Variants in CHPT1 observed in about 807,000 individuals in gnomAD.
The protein encoded by CHPT1 is choline phosphotransferase 1.
Under a neutral mutation model 47.6 loss-of-function variants are expected in CHPT1, and 36 were observed. The ratio of observed to expected loss-of-function variants is 0.76; its 90% confidence interval spans 0.58 to 1.00. The LOEUF is 1.00. Among genes scored for constraint, CHPT1 ranks in the 50% least tolerant of loss-of-function variants. The probability of loss-of-function intolerance (pLI) is 0.00; values close to 1 mark genes in which losing one functional copy is unlikely to be tolerated. For synonymous variants in CHPT1, 194 were observed against 186.3 expected (o/e 1.04, Z -0.33); for missense variants, 458 against 498.1 (o/e 0.92, Z 0.77).
intron 1 of CHPT1, among the ~76,000 whole-genome samples, chr12:101,707,944 G>A (rs1171625331): frequency 6.6e-6 from 1 of 152,210 alleles, no homozygotes; most frequent in Non-Finnish European, 1.5e-5. Flanking sequence ...AATGCAGAGA[G>A]CATACAGGAT....
intron 3 of CHPT1, among the ~76,000 whole-genome samples, chr12:101,716,295 C>T (rs191105045): frequency 6.6e-6 from 1 of 152,264 alleles, no homozygotes; most frequent in Non-Finnish European, 1.5e-5. Context: ...TTGGAATTTT[C>T]CCTGCTTTTT....
intron 3 of CHPT1, among the ~76,000 whole-genome samples, chr12:101,715,693 G>A (rs148669440): frequency 1.3e-5 from 2 of 152,294 alleles, no homozygotes; most frequent in South Asian, 2.1e-4. Context: ...GAAGTCATTA[G>A]CATATAGATG....
At position 101,697,726 on chromosome 12, in the gene CHPT1, C is replaced by T. The variant is rs143603461; in HGVS notation, c.-136C>T. 0.01 allele frequency: 2,173 copies of T among 213,820 alleles called. 46 individuals are homozygous for T. Among genetic ancestry groups the T allele is most frequent in the East Asian group, 0.056 (332 of 5,886 alleles). The allele number at this position is 213,820 out of a possible 1,614,324, so 13.2% of individuals were successfully genotyped here. ...GGCAGGCCGGCCTGACCTCGACCTC[C>T]GCCGTGCGGGCCCGACCGGTGAGTC... is the stretch of plus-strand genomic sequence containing the variant. On this transcript the variant is annotated 5_prime_UTR_variant, in exon 1 of 9. Coordinates refer to ENST00000229266, the MANE Select transcript of CHPT1 (RefSeq NM_020244.3).
At chr12:101,710,130 A>G (rs1951686064) in intron 1 of CHPT1, among the ~76,000 whole-genome samples, 1 of 148,802 alleles carries the variant, frequency 6.7e-6, no homozygotes, top group Non-Finnish European at 1.5e-5. Context: ...GGATCATTTA[A>G]GGTCAGGAGT....
rs145173806 is a variant in CHPT1, at chr12:101,701,542, A to G, written c.273+3408A>G. The stretch of plus-strand genomic sequence containing the variant: ...AGGAAAATTAACCTCTTCTAGAGTG[A>G]CATACCTTTAAGTGGGGGCCAGGAT... On this transcript the variant is annotated intron_variant, in intron 1 of 8. Transcript: ENST00000229266. Among the ~76,000 whole-genome samples the G allele has an allele frequency of 5.6e-3, 853 of 152,336 alleles. 4 individuals are homozygous for G. The highest frequency in any genetic ancestry group is 8.3e-3 in the Non-Finnish European group (562 of 68,020).
chr12:101,701,076 A>T (rs1951548082), intron 1 of CHPT1, among the ~76,000 whole-genome samples: 2 of 152,350 alleles, frequency 1.3e-5, no homozygotes, highest in Admixed American at 1.3e-4. Context: ...TTTCTAGAAC[A>T]TGACTGGGGA....
rs1951742345 is a variant in CHPT1, at chr12:101,714,848, T to C, written c.563+203T>C. ...TAGTTACATTATTTGATAATAATTTTATTTTTCTTCTCCTCTTCTCCAACT... is the reference window on the plus strand; with the variant it reads ...TAGTTACATTATTTGATAATAATTTCATTTTTCTTCTCCTCTTCTCCAACT... On this transcript the variant is annotated intron_variant, in intron 3 of 8. Transcript: ENST00000229266. The C allele has an allele frequency of 1.9e-5, 8 of 416,922 alleles. No individual in the cohort carries two copies. In the South Asian group the frequency reaches 4.4e-4, roughly 23 times the overall value. The allele number at this position is 416,922 out of a possible 1,614,324, so 25.8% of individuals were successfully genotyped here.
At chr12:101,717,090 A>G (rs983591619) in intron 4 of CHPT1, 1 of 396,312 alleles carries the variant, frequency 2.5e-6, no homozygotes, top group Non-Finnish European at 4.7e-6. Context: ...CAAAAACAAC[A>G]ACAAAAAACA....
At chr12:101,721,039 T>C (rs1210346983) in intron 5 of CHPT1, among the ~76,000 whole-genome samples, 2 of 152,130 alleles carry the variant, frequency 1.3e-5, no homozygotes, top group East Asian at 3.9e-4. Context: ...CCTAGCAATT[T>C]TGGAGGCCGA....
chr12:101,722,440 C>T (rs1002616537), intron 5 of CHPT1, among the ~76,000 whole-genome samples: 11 of 151,532 alleles, frequency 7.3e-5, no homozygotes, highest in Admixed American at 3.3e-4. Flanking sequence ...TAAGCAGTGC[C>T]GAGAGGATAC....
rs149217456 is a variant in CHPT1 at position 101,713,157 on chromosome 12, C to T, written c.274-933C>T. ...TGGTAAGGCAGTACACTTCTGAGAA[C>T]TTTACCCAATGCCCCAAGTATTAAT... On this transcript the variant is annotated intron_variant, in intron 1 of 8. Transcript: ENST00000229266. Among the ~76,000 whole-genome samples, 2 of 148,532 alleles carry T rather than the reference C, an allele frequency of 1.3e-5. 1 individual carries two copies. The highest frequency in any genetic ancestry group is 4.0e-4 in the East Asian group (2 of 5,002).
chr12:101,701,481 C>T (rs1473799820), intron 1 of CHPT1, among the ~76,000 whole-genome samples: 6 of 152,136 alleles, frequency 3.9e-5, no homozygotes, highest in African/African-American at 1.4e-4. Context: ...GAATAAGGTA[C>T]TATTAGTATC....
intron 1 of CHPT1, among the ~76,000 whole-genome samples, chr12:101,699,523 G>T (rs1951520570): frequency 6.6e-6 from 1 of 151,842 alleles, no homozygotes; most frequent in African/African-American, 2.4e-5. Flanking sequence ...GAATAGCTGG[G>T]ACTACACGTG....
intron 1 of CHPT1, among the ~76,000 whole-genome samples, chr12:101,711,458 C>T (rs1362314843): frequency 2.0e-5 from 3 of 147,290 alleles, no homozygotes; most frequent in East Asian, 2.0e-4. Flanking sequence ...ATCTTGATCT[C>T]GCGTATACAC....
rs769773656 is a variant in CHPT1 at position 101,726,299 on chromosome 12, T to G, written c.1071T>G (p.Ile357Met). The G allele has an allele frequency of 6.2e-7, 1 of 1,603,200 alleles. No homozygotes were observed. The highest frequency in any genetic ancestry group is 1.1e-5 in the South Asian group (1 of 90,542). The stretch of plus-strand genomic sequence containing the variant: ...TTTCTTTTTTGCTTCTAAAGGTGAT[T>G]TCTTCATTTGATATGGTGATATACT... ...EYVVLWMAMV[I>M]SSFDMVIYFS... The change falls in exon 8 of 9, where the codon ATT becomes ATG. Residue 357 changes from isoleucine to methionine, a missense_variant. Ile to Met is a conservative substitution (Grantham distance 10). Transcript: ENST00000229266.
At position 101,697,885 on chromosome 12, in the gene CHPT1, G is replaced by T. The variant is rs1292954551; in HGVS notation, c.24G>T (p.Gly8=). The change falls in exon 1 of 9, where the codon GGG becomes GGT. Residue 8 remains glycine (G), a synonymous_variant. Transcript: ENST00000229266. MAAGAGA[G]SAPRWLRALS... ...CCATGGCGGCAGGCGCCGGGGCCGG[G>T]TCCGCGCCGCGCTGGCTGAGGGCGC... is the stretch of plus-strand genomic sequence containing the variant. 8.1e-6 allele frequency: 10 copies of T among 1,232,382 alleles called. No homozygotes were observed. Among genetic ancestry groups the T allele is most frequent in the Non-Finnish European group, 1.0e-5 (10 of 988,916 alleles). 76.3% of individuals were successfully genotyped at this position (1,232,382 alleles called of 1,614,324 possible).
At chr12:101,703,737 T>C (rs1462377640) in intron 1 of CHPT1, among the ~76,000 whole-genome samples, 1 of 152,088 alleles carries the variant, frequency 6.6e-6, no homozygotes, top group African/African-American at 2.4e-5. Context: ...CAGTAAACAA[T>C]GTCATAAGCA....
At chr12:101,723,347 A>G (rs778235617) in intron 6 of CHPT1, 21 bp downstream of exon 6, 1 of 1,390,910 alleles carries the variant, frequency 7.2e-7, no homozygotes, top group Non-Finnish European at 1.0e-6. Flanking sequence ...TTTATTATTC[A>G]TGATATAAAT....
intron 4 of CHPT1, among the ~76,000 whole-genome samples, chr12:101,719,056 C>T (rs1419576758): frequency 6.1e-5 from 9 of 148,186 alleles, no homozygotes; most frequent in Admixed American, 4.8e-4. Context: ...ACTCGGGAGG[C>T]TGAGGCAGGA....
Sources: gnomAD v4.1 joint callset for allele counts (sites outside exome capture counted in the v4.1 genomes callset) on GRCh38, gnomAD v4.1.1 for gene constraint, MANE v1.5 for transcripts, NCBI Gene and HGNC (gene_info 2026-07-23, HGNC 2026-07-21) for gene names.